The following VEPH1 variants were observed in gnomAD, a reference collection of about 807,000 sequenced individuals.
VEPH1 encodes the protein ventricular zone-expressed PH domain-containing protein homolog 1.
Under a neutral mutation model 85.2 loss-of-function variants are expected in VEPH1, and 80 were observed. The ratio of observed to expected loss-of-function variants is 0.94; its 90% CI spans 0.78 to 1.13. VEPH1 has a LOEUF of 1.13. VEPH1 is among the 50% of genes most tolerant of loss of function. The pLI is 0.00. For missense variants in VEPH1, 955 were observed against 980.5 expected (o/e 0.97, Z 0.35); for synonymous variants, 297 against 348.0 (o/e 0.85, Z 1.63).
chr3:157,426,087 C>T (rs972155369), intron 5 of VEPH1, among the ~76,000 whole-genome samples: 3 of 152,162 alleles, frequency 2.0e-5, no homozygotes, highest in Non-Finnish European at 4.4e-5. Context: ...ATTCTGAGGC[C>T]TCCCCAGCCA....
intron 9 of VEPH1, among the ~76,000 whole-genome samples, chr3:157,328,986 C>G (rs1313024044): frequency 2.6e-5 from 4 of 152,146 alleles, no homozygotes; most frequent in Non-Finnish European, 2.9e-5. Flanking sequence ...CAAATCTAGA[C>G]TGTTTGACTC....
rs527442131 is a variant in VEPH1, at chr3:157,289,820, CTT to C, written c.2011-3148_2011-3147del. On this transcript the variant is annotated intron_variant, in intron 11 of 13. Coordinates refer to ENST00000362010, the MANE Select transcript of VEPH1 (RefSeq NM_001167912.2). The stretch of plus-strand genomic sequence containing the variant: ...GACTCCAGAAAAGTGATAAAAATAA[CTT>C]ATATCTAACTGTAAGTCACTGTCTG... Among the ~76,000 whole-genome samples, 154 of 152,234 alleles carry C rather than the reference CTT, an allele frequency of 1.0e-3. 4 individuals carry two copies. In the South Asian group the frequency reaches 0.03, roughly 29 times the overall value.
At chr3:157,496,124 A>G (rs1739646870) in intron 1 of VEPH1, among the ~76,000 whole-genome samples, 1 of 152,228 alleles carries the variant, frequency 6.6e-6, no homozygotes, top group South Asian at 2.1e-4. Flanking sequence ...ATAAATCTCT[A>G]CTGAACATGA....
chr3:157,495,548 T>C (rs1331140333), intron 1 of VEPH1, 42 bp from the exon 2 acceptor site: 4 of 1,316,554 alleles, frequency 3.0e-6, no homozygotes, highest in South Asian at 1.9e-5. Flanking sequence ...ACTGGCAGAA[T>C]GGCATAAGCT....
intron 9 of VEPH1, among the ~76,000 whole-genome samples, chr3:157,348,226 T>C (rs1724462414): frequency 2.0e-5 from 3 of 152,314 alleles, no homozygotes; most frequent in Middle Eastern, 3.4e-3. Context: ...GGGGTGCAGA[T>C]GGCTCTTCAA....
chr3:157,331,063 A>C (rs1326962039), intron 9 of VEPH1, among the ~76,000 whole-genome samples: 1 of 152,150 alleles, frequency 6.6e-6, no homozygotes, highest in East Asian at 1.9e-4. Flanking sequence ...ATCTTGCTGG[A>C]TGGATGAAAC....
intron 6 of VEPH1, among the ~76,000 whole-genome samples, chr3:157,406,926 A>T (rs569114926): frequency 2.6e-4 from 40 of 151,616 alleles, no homozygotes; most frequent in South Asian, 6.2e-4. Context: ...TTAAACTAAA[A>T]TTTGTTTCAG....
intron 2 of VEPH1, among the ~76,000 whole-genome samples, chr3:157,488,294 T>A (rs1738845759): frequency 6.6e-6 from 1 of 152,084 alleles, no homozygotes; most frequent in African/African-American, 2.4e-5. Flanking sequence ...CTAACTCCAA[T>A]CTGGCTTTCA....
At chr3:157,343,290 T>A (rs1577388113) in intron 9 of VEPH1, among the ~76,000 whole-genome samples, 1 of 151,424 alleles carries the variant, frequency 6.6e-6, no homozygotes, top group East Asian at 1.9e-4. Flanking sequence ...GCAAGACTAA[T>A]AAAGAAAAAA....
At chr3:157,353,630 C>G (rs1725118270) in intron 9 of VEPH1, among the ~76,000 whole-genome samples, 2 of 137,776 alleles carry the variant, frequency 1.5e-5, no homozygotes, top group South Asian at 4.3e-4. Context: ...AGAAGTTTCC[C>G]CCCTCCCTCC....
intron 5 of VEPH1, among the ~76,000 whole-genome samples, chr3:157,426,002 T>C (rs1426720166): frequency 6.6e-6 from 1 of 152,100 alleles, no homozygotes; most frequent in Non-Finnish European, 1.5e-5. Flanking sequence ...TTATCAGGGG[T>C]TTCTGCTTTT....
intron 11 of VEPH1, among the ~76,000 whole-genome samples, chr3:157,305,323 G>A (rs1407931309): frequency 1.3e-5 from 2 of 151,316 alleles, no homozygotes; most frequent in African/African-American, 4.9e-5. Flanking sequence ...TTTTAGCCGG[G>A]ATGGTCTCGA....
chr3:157,263,550 A>C (rs1033031283), intron 13 of VEPH1, among the ~76,000 whole-genome samples: 8 of 151,810 alleles, frequency 5.3e-5, no homozygotes, highest in Non-Finnish European at 1.0e-4. Context: ...CACTTTAAAC[A>C]TGCTTTAGTG....
intron 9 of VEPH1, among the ~76,000 whole-genome samples, chr3:157,355,607 G>A (rs1282614339): frequency 6.6e-6 from 1 of 152,174 alleles, no homozygotes; most frequent in East Asian, 1.9e-4. Flanking sequence ...ATTGTCCCTA[G>A]CCATGTAAGG....
At chr3:157,336,866 A>G (rs1415436783) in intron 9 of VEPH1, among the ~76,000 whole-genome samples, 2 of 152,328 alleles carry the variant, frequency 1.3e-5, no homozygotes, top group East Asian at 1.9e-4. Context: ...TCCTACTACA[A>G]TGGCAGAATT....
At chr3:157,379,832 T>C (rs932565389) in intron 7 of VEPH1, among the ~76,000 whole-genome samples, 1 of 152,192 alleles carries the variant, frequency 6.6e-6, no homozygotes, top group African/African-American at 2.4e-5. Context: ...CATTTAGTCA[T>C]TGTGTAACAT....
chr3:157,360,074 A>G (rs1227233884), intron 9 of VEPH1, among the ~76,000 whole-genome samples: 1 of 152,234 alleles, frequency 6.6e-6, no homozygotes, highest in South Asian at 2.1e-4. Flanking sequence ...ACATAACACA[A>G]TTAAGCCTAA....
intron 9 of VEPH1, among the ~76,000 whole-genome samples, chr3:157,333,513 G>C (rs767095949): frequency 4.8e-4 from 73 of 152,296 alleles, no homozygotes; most frequent in Admixed American, 5.9e-4. Context: ...GAATTTACAT[G>C]AATTTTAAAT....
intron 4 of VEPH1, among the ~76,000 whole-genome samples, chr3:157,458,398 C>G (rs1479647833): frequency 6.6e-6 from 1 of 152,074 alleles, no homozygotes; most frequent in African/African-American, 2.4e-5. Flanking sequence ...TTCTCTAGTT[C>G]TTTTAGTTAT....
Sources: gnomAD v4.1 joint callset for allele counts (sites outside exome capture counted in the v4.1 genomes callset) on GRCh38, gnomAD v4.1.1 for gene constraint, MANE v1.5 for transcripts, NCBI Gene and HGNC (gene_info 2026-07-23, HGNC 2026-07-21) for gene names.